The following NIBAN1 variants were observed in gnomAD, a reference collection of about 807,000 sequenced individuals.
The protein encoded by NIBAN1 is niban apoptosis regulator 1, also known as protein Niban 1.
Under a neutral mutation model 75.1 loss-of-function variants are expected in NIBAN1, and 81 were observed. The observed-to-expected ratio is 1.08, with a 90% CI of 0.90 to 1.30. The LOEUF is 1.30. NIBAN1 is among the 50% of genes most tolerant of loss of function. The pLI, the probability that NIBAN1 is intolerant of heterozygous loss-of-function variation, is 0.00. For synonymous variants in NIBAN1, 436 were observed against 424.8 expected, an observed-to-expected ratio of 1.03 and a Z score of -0.32; for missense variants, 1,133 against 1,128.1, an observed-to-expected ratio of 1.00 and a Z score of -0.06.
intron 9 of NIBAN1, among the ~76,000 whole-genome samples, chr1:184,813,762 T>C (rs1269850834): frequency 6.6e-5 from 10 of 152,242 alleles, no homozygotes; most frequent in Non-Finnish European, 1.0e-4. Flanking sequence ...AAGCTGCCAC[T>C]ATGACTTTTC....
intron 1 of NIBAN1, among the ~76,000 whole-genome samples, chr1:184,911,173 A>T (rs149863613): frequency 3.3e-4 from 51 of 152,326 alleles, no homozygotes; most frequent in African/African-American, 1.2e-3. Context: ...TTGAGTCTCA[A>T]CACAATTATC....
chr1:184,834,327 A>T (rs1340006961), intron 5 of NIBAN1, among the ~76,000 whole-genome samples: 1 of 152,218 alleles, frequency 6.6e-6, no homozygotes, highest in East Asian at 1.9e-4. Flanking sequence ...ATATGTGTGC[A>T]TGTGTCTTTA....
Position 184,795,267 on chromosome 1 carries a change from T to C in NIBAN1, c.2497A>G (p.Thr833Ala). The C allele has an allele frequency of 6.2e-7, 1 of 1,613,182 alleles. No homozygotes were observed. The highest frequency in any genetic ancestry group is 8.5e-7 in the Non-Finnish European group (1 of 1,180,040). Residue 833 changes from threonine (T) to alanine (A), a missense_variant, in exon 14 of 14, where the codon ACC becomes GCC. By Grantham distance (58) the Thr-to-Ala change is moderately conservative. Coordinates refer to ENST00000367511, the MANE Select transcript of NIBAN1 (RefSeq NM_052966.4). ...TAHEGRGGKCTEEGDASQQEG... is the reference protein window; with the variant it reads ...TAHEGRGGKCAEEGDASQQEG... ...TGCTGTGAGGCATCCCCTTCCTCGG[T>C]ACACTTGCCCCCTCTTCCTTCATGG...
chr1:184,795,451 C>T lies in NIBAN1; in HGVS notation c.2313G>A (p.Arg771=), dbSNP rs752967343. Residue 771 remains arginine, a synonymous_variant, in exon 14 of 14, where the codon AGG becomes AGA. Transcript: ENST00000367511. ...CCTCGGGACAGGGAGGTTGGGCCTCCCTCTCGCTGACTTCACTTTCTTCAC... is the reference window on the plus strand; with the variant it reads ...CCTCGGGACAGGGAGGTTGGGCCTCTCTCTCGCTGACTTCACTTTCTTCAC... ...DNCEESEVSE[R]EAQPPCPEAH... is the part of the protein sequence containing the mutation. 1 of 1,608,532 alleles carries T rather than the reference C, an allele frequency of 6.2e-7. No homozygotes were observed.
intron 5 of NIBAN1, among the ~76,000 whole-genome samples, chr1:184,861,255 G>A (rs1394544586): frequency 6.6e-6 from 1 of 152,224 alleles, no homozygotes; most frequent in Admixed American, 6.5e-5. Context: ...AATTTGCCAC[G>A]TTCACAGATT....
chr1:184,939,083 A>G (rs1038456611), intron 1 of NIBAN1, among the ~76,000 whole-genome samples: 2 of 152,238 alleles, frequency 1.3e-5, no homozygotes, highest in African/African-American at 4.8e-5. Flanking sequence ...CTTGACTAGC[A>G]TTCATTCAAC....
intron 10 of NIBAN1, 44 bp from the exon 11 acceptor site, chr1:184,806,100 T>C (rs781719240): frequency 5.2e-6 from 8 of 1,528,840 alleles, no homozygotes; most frequent in Middle Eastern, 1.7e-4. Flanking sequence ...AGTCAGGGGC[T>C]GGGATCACCA....
At chr1:184,966,682 T>C (rs1295167754) in intron 1 of NIBAN1, among the ~76,000 whole-genome samples, 3 of 152,208 alleles carry the variant, frequency 2.0e-5, no homozygotes, top group Non-Finnish European at 4.4e-5. Flanking sequence ...TAGTGGCTAC[T>C]AAGTATTTGC....
At chr1:184,797,763 G>A (rs1270955005) in intron 13 of NIBAN1, among the ~76,000 whole-genome samples, 1 of 152,166 alleles carries the variant, frequency 6.6e-6, no homozygotes, top group African/African-American at 2.4e-5. Flanking sequence ...TGAGAGACCC[G>A]AGATTTAATC....
chr1:184,875,813 A>G (rs1571538854), intron 5 of NIBAN1, among the ~76,000 whole-genome samples: 1 of 152,258 alleles, frequency 6.6e-6, no homozygotes, highest in East Asian at 1.9e-4. Context: ...TTTTTAAAAC[A>G]TCAGAAATTA....
Position 184,956,449 on chromosome 1 carries a change from C to G in NIBAN1, c.55+17853G>C, listed in dbSNP as rs192660798. Among the ~76,000 whole-genome samples the G allele has an allele frequency of 2.5e-3, 379 of 152,222 alleles. 1 individual carries two copies. Among genetic ancestry groups the G allele is most frequent in the Non-Finnish European group, 3.2e-3 (219 of 68,020 alleles). On this transcript the variant is annotated intron_variant, in intron 1 of 13. Transcript: ENST00000367511. The stretch of plus-strand genomic sequence containing the variant: ...AACTCAAATTCAGCACTTCTCCAAC[C>G]CTGAATGTAGGCAACAAAACAGTGT...
At chr1:184,801,566 T>C (rs137858578) in intron 12 of NIBAN1, among the ~76,000 whole-genome samples, 86 of 152,294 alleles carry the variant, frequency 5.6e-4, no homozygotes, top group Non-Finnish European at 7.2e-4. Flanking sequence ...CCCTCAGGAC[T>C]GGGTGAAAGC....
chr1:184,809,330 A>T (rs912135015), intron 9 of NIBAN1, among the ~76,000 whole-genome samples: 6 of 152,162 alleles, frequency 3.9e-5, no homozygotes, highest in South Asian at 4.1e-4. Context: ...GTCTATTTTT[A>T]AAAAATATCA....
At chr1:184,945,878 A>G (rs2102056421) in intron 1 of NIBAN1, among the ~76,000 whole-genome samples, 1 of 152,194 alleles carries the variant, frequency 6.6e-6, no homozygotes, top group Middle Eastern at 3.4e-3. Context: ...AATAGCATCC[A>G]TCTGTCCGCA....
In NIBAN1 at chr1:184,862,137, G is replaced by A. The variant is rs142142630; in HGVS notation, c.601+22496C>T. 6.5e-4 allele frequency among the ~76,000 whole-genome samples: 99 copies of A among 152,098 alleles called. 1 individual carries two copies. The East Asian group carries it at 7.0e-3, about 11-fold the overall frequency. ...AAAGTACATATTAGAAAAATCGCCC[G>A]CAGACCTTCCCTGGCACCTGCAGAC... On this transcript the variant is annotated intron_variant, in intron 5 of 13. Coordinates refer to ENST00000367511, the MANE Select transcript of NIBAN1 (RefSeq NM_052966.4).
At chr1:184,866,227 G>A (rs887419933) in intron 5 of NIBAN1, among the ~76,000 whole-genome samples, 2 of 152,110 alleles carry the variant, frequency 1.3e-5, no homozygotes, top group Non-Finnish European at 2.9e-5. Context: ...AGTAAGGACA[G>A]GTACGAGAGA....
chr1:184,806,481 G>T (rs1175473229), intron 10 of NIBAN1, among the ~76,000 whole-genome samples: 2 of 152,302 alleles, frequency 1.3e-5, no homozygotes, highest in East Asian at 3.9e-4. Flanking sequence ...TCAGGGATGG[G>T]TGGGGACAGT....
At chr1:184,960,654 G>A (rs954730709) in intron 1 of NIBAN1, among the ~76,000 whole-genome samples, 2 of 37,924 alleles carry the variant, frequency 5.3e-5, no homozygotes, top group African/African-American at 2.1e-4. Context: ...TTGAGACGGA[G>A]TCTACTCTAT....
intron 6 of NIBAN1, among the ~76,000 whole-genome samples, chr1:184,825,847 A>C (rs1654828911): frequency 6.6e-6 from 1 of 152,240 alleles, no homozygotes; most frequent in African/African-American, 2.4e-5. Context: ...AAGCAGGCAG[A>C]AAAGTAGGGA....
Sources: allele counts gnomAD v4.1 joint callset (sites outside exome capture counted in the v4.1 genomes callset), GRCh38; gene constraint gnomAD v4.1.1; transcripts MANE v1.5; gene names NCBI Gene and HGNC (gene_info 2026-07-23, HGNC 2026-07-21).